The following ZNF682 variants were observed in gnomAD, a reference collection of about 807,000 sequenced individuals.
ZNF682 encodes zinc finger protein 682.
In ZNF682, 29 loss-of-function variants were observed where a neutral mutation model predicts 36.5. The ratio of observed to expected loss-of-function variants is 0.80; its 90% confidence interval spans 0.59 to 1.08. ZNF682 has a LOEUF of 1.08. ZNF682 is among the 50% of genes least tolerant of loss of function. The pLI is 0.00. For synonymous variants in ZNF682, 180 were observed against 197.0 expected (o/e 0.91, Z 0.72); for missense variants, 561 against 579.7 (o/e 0.97, Z 0.33).
Position 20,005,034 on chromosome 19 carries a change from T to C in ZNF682, c.*971A>G, listed in dbSNP as rs2088199266. 6.6e-6 allele frequency: 1 copy of C among 152,170 alleles called. No homozygotes were observed. The highest frequency in any genetic ancestry group is 1.5e-5 in the Non-Finnish European group (1 of 68,016). The allele number at this position is 152,170 out of a possible 1,614,324, so 9.4% of individuals were successfully genotyped here. On this transcript the variant is annotated 3_prime_UTR_variant, in exon 4 of 4. Transcript: ENST00000397165. ...TCATTTAGACTTAATTTTTTATTAA[T>C]TTTTTATATTTACTGCATCTGTTAA...
downstream of ZNF682, among the ~76,000 whole-genome samples, chr19:20,003,426 C>T (rs116911930): frequency 0.045 from 6,824 of 151,754 alleles, 315 homozygotes; most frequent in East Asian, 0.18. Context: ...GAAAACTGGC[C>T]GGGCATGGTG....
At chr19:20,038,613 T>A (rs1280062811) in intron 1 of ZNF682, among the ~76,000 whole-genome samples, 6 of 145,000 alleles carry the variant, frequency 4.1e-5, no homozygotes, top group Non-Finnish European at 7.5e-5. Flanking sequence ...GTTCCTACAT[T>A]AAAAAAAAAA....
intron 3 of ZNF682, among the ~76,000 whole-genome samples, 173 bp downstream of exon 3, chr19:20,022,831 A>G (rs1477360890): frequency 6.6e-6 from 1 of 152,180 alleles, no homozygotes; most frequent in African/African-American, 2.4e-5. Context: ...TTTTTAGAGA[A>G]TTTAGGAGCA....
chr19:20,015,677 A>G, intron 3 of ZNF682: 1 of 388,374 alleles, frequency 2.6e-6, no homozygotes. Context: ...TTTTGAATCA[A>G]GAGCATACAG....
intron 1 of ZNF682, among the ~76,000 whole-genome samples, chr19:20,031,811 G>A (rs1162478346): frequency 2.6e-5 from 4 of 152,056 alleles, no homozygotes; most frequent in South Asian, 2.1e-4. Flanking sequence ...GCGAGGTGGC[G>A]GGTGCCTGTA....
chr19:20,012,040 A>C (rs1008811470), intron 3 of ZNF682, among the ~76,000 whole-genome samples: 1 of 151,812 alleles, frequency 6.6e-6, no homozygotes, highest in Non-Finnish European at 1.5e-5. Flanking sequence ...CCATCTCAAA[A>C]TAAAAAAAAA....
chr19:19,998,868 G>A (rs1355042627), intron 3 of ZNF682, among the ~76,000 whole-genome samples: 3 of 152,190 alleles, frequency 2.0e-5, no homozygotes, highest in Non-Finnish European at 4.4e-5. Flanking sequence ...GAGAGACTGA[G>A]GGAGCAAGTA....
intron 1 of ZNF682, among the ~76,000 whole-genome samples, chr19:20,026,419 T>A (rs752265674): frequency 3.3e-5 from 5 of 151,690 alleles, no homozygotes; most frequent in Non-Finnish European, 7.4e-5. Flanking sequence ...CTAATAGAGA[T>A]CTTAGGTATC....
intron 3 of ZNF682, among the ~76,000 whole-genome samples, chr19:20,013,158 G>A (rs867619872): frequency 2.6e-5 from 4 of 151,854 alleles, no homozygotes; most frequent in Non-Finnish European, 4.4e-5. Flanking sequence ...GAAGAAACTA[G>A]GTCAAAATTA....
At chr19:20,009,665 C>T (rs2088264982) in intron 3 of ZNF682, among the ~76,000 whole-genome samples, 1 of 152,166 alleles carries the variant, frequency 6.6e-6, no homozygotes. Flanking sequence ...TTCTATCAAA[C>T]AGTGGACCTC....
chr19:20,015,681 C>G (rs1418350705), intron 3 of ZNF682: 1 of 388,134 alleles, frequency 2.6e-6, no homozygotes, highest in African/African-American at 2.1e-5. Context: ...GAATCAAGAG[C>G]ATACAGTTAG....
intron 1 of ZNF682, among the ~76,000 whole-genome samples, chr19:20,029,680 G>A (rs150275456): frequency 3.5e-4 from 53 of 151,774 alleles, no homozygotes; most frequent in African/African-American, 9.4e-4. Context: ...AATACAGAAC[G>A]GGAAAATTAA....
chr19:19,999,317 G>C (rs373234834), intron 3 of ZNF682, among the ~76,000 whole-genome samples: 3 of 152,322 alleles, frequency 2.0e-5, no homozygotes, highest in Admixed American at 1.3e-4. Context: ...TGTCCCCAAA[G>C]TGTTGAAACA....
Position 20,006,008 on chromosome 19 carries a change from C to T in ZNF682, c.1494G>A (p.Thr498=), listed in dbSNP as rs371187151. 23 of 1,563,488 alleles carry T rather than the reference C, an allele frequency of 1.5e-5. No homozygotes were observed. The highest frequency in any genetic ancestry group is 2.8e-5 in the African/African-American group (2 of 72,578). Residue 498 remains threonine, a synonymous_variant, in exon 4 of 4, where the codon ACG becomes ACA. Transcript: ENST00000397165. The part of the protein sequence containing the change: ...EAFNHCSNLT[T] ...GATTTCTCTTTAGTAAAAATTCTTACGTAGTAAGGTTTGAGCAGTGATTAA... is the reference window on the plus strand; with the variant it reads ...GATTTCTCTTTAGTAAAAATTCTTATGTAGTAAGGTTTGAGCAGTGATTAA...
At chr19:20,015,246 A>G in intron 3 of ZNF682, 1 of 985,364 alleles carries the variant, frequency 1.0e-6, no homozygotes, top group Non-Finnish European at 1.2e-6. Flanking sequence ...TGAATTTACA[A>G]CAATTCTCAT....
intron 1 of ZNF682, 83 bp downstream of exon 1, chr19:20,039,260 G>A (rs1041885479): frequency 2.5e-6 from 4 of 1,587,994 alleles, no homozygotes; most frequent in African/African-American, 1.3e-5. Context: ...ACAGCTGGGA[G>A]GCCCCAGTCC....
In ZNF682 at chr19:20,024,325, C is replaced by T. The variant is rs1265601296; in HGVS notation, c.55G>A (p.Glu19Lys). Reference protein sequence around the residue: ...VTIEFSLEEWEFLNPAQQSLY... With the variant: ...VTIEFSLEEWKFLNPAQQSLY... ...CTCTGCTGAGCAGGGTTCAGAAACT[C>T]CCACTCCTCCAGAGAGAATTCTATG... Residue 19 changes from glutamate (E) to lysine (K), a missense_variant, in exon 2 of 4, where the codon GAG (glutamate) becomes AAG (lysine). Physicochemically the swap from Glu to Lys is moderately conservative, Grantham distance 56. Transcript: ENST00000397165. 1.2e-6 allele frequency: 2 copies of T among 1,613,814 alleles called. No individual in the cohort carries two copies. Among genetic ancestry groups the T allele is most frequent in the African/African-American group, 1.3e-5 (1 of 74,926 alleles).
chr19:20,018,771 C>T (rs1385531349), intron 3 of ZNF682, among the ~76,000 whole-genome samples: 1 of 152,034 alleles, frequency 6.6e-6, no homozygotes, highest in Non-Finnish European at 1.5e-5. Context: ...AACAAACTTC[C>T]TAGATAAGTA....
chr19:19,996,446 T>C (rs143972723), downstream of ZNF682, among the ~76,000 whole-genome samples: 12 of 152,246 alleles, frequency 7.9e-5, no homozygotes, highest in African/African-American at 2.9e-4. Flanking sequence ...TGCCCATCAA[T>C]ATTGAGTGGA....
Sources: allele counts gnomAD v4.1 joint callset (sites outside exome capture counted in the v4.1 genomes callset), GRCh38; gene constraint gnomAD v4.1.1; transcripts MANE v1.5; gene names NCBI Gene and HGNC (gene_info 2026-07-23, HGNC 2026-07-21).